The following SV2B variants were observed in gnomAD, a reference collection of about 807,000 sequenced individuals.
SV2B encodes the protein synaptic vesicle glycoprotein 2B.
Under a neutral mutation model 73.9 loss-of-function variants are expected in SV2B, and 41 were observed. That is an observed-to-expected ratio of 0.56 (90% CI 0.43 to 0.72). The LOEUF (loss-of-function observed/expected upper bound fraction) is 0.72, where lower values mean the gene tolerates loss of function less well. Among genes scored for constraint, SV2B ranks in the 30% least tolerant of loss-of-function variants. The probability of loss-of-function intolerance (pLI) is 0.00; values close to 1 mark genes in which losing one functional copy is unlikely to be tolerated. For synonymous variants in SV2B, 314 were observed against 314.2 expected, an observed-to-expected ratio of 1.00 and a Z score of 0.01; for missense variants, 764 against 857.8, an observed-to-expected ratio of 0.89 and a Z score of 1.37.
chr15:91,102,496 A>T (rs1433271252), intron 1 of SV2B, among the ~76,000 whole-genome samples: 1 of 152,238 alleles, frequency 6.6e-6, no homozygotes, highest in Non-Finnish European at 1.5e-5. Flanking sequence ...GTGCTCAAGA[A>T]ATGGCAGTTC....
At position 91,118,394 on chromosome 15, in the gene SV2B, G is replaced by A. The variant is rs1021614735; in HGVS notation, c.-392+18031G>A. Among the ~76,000 whole-genome samples, 3 of 152,212 alleles carry A rather than the reference G, an allele frequency of 2.0e-5. No individual in the cohort carries two copies. Among genetic ancestry groups the A allele is most frequent in the Non-Finnish European group, 2.9e-5 (2 of 68,036 alleles). On this transcript the variant is annotated intron_variant, in intron 1 of 12. Coordinates refer to ENST00000394232, the MANE Select transcript of SV2B (RefSeq NM_001323032.3). This position sits in a 1 kb window ranked among gnomAD's most constrained non-coding sequence, Gnocchi z 4.7. ...TGATTTAATGGAGTAGCCCATGCCA[G>A]CAAGAAAGATGGGTGGTAGTACAGT...
At chr15:91,206,773 T>C (rs1429162180) in intron 1 of SV2B, among the ~76,000 whole-genome samples, 1 of 152,202 alleles carries the variant, frequency 6.6e-6, no homozygotes, top group African/African-American at 2.4e-5. Flanking sequence ...CTTGACTTGA[T>C]TATATTATAT....
At chr15:91,172,540 G>A (rs1280437457) in intron 1 of SV2B, among the ~76,000 whole-genome samples, 3 of 152,200 alleles carry the variant, frequency 2.0e-5, no homozygotes, top group Non-Finnish European at 4.4e-5. Context: ...AGGGAGGCAC[G>A]AAAGAGGAGG....
chr15:91,166,856 C>A (rs572165201), intron 1 of SV2B, among the ~76,000 whole-genome samples: 1 of 150,778 alleles, frequency 6.6e-6, no homozygotes, highest in African/African-American at 2.4e-5. Flanking sequence ...CTCTGTTGCC[C>A]AGGCTGGAGT....
At chr15:91,101,282 G>A (rs1056632268) in intron 1 of SV2B, among the ~76,000 whole-genome samples, 1 of 152,012 alleles carries the variant, frequency 6.6e-6, no homozygotes, top group African/African-American at 2.4e-5. Flanking sequence ...CACTGTAGTC[G>A]GCTCAGCGGT....
chr15:91,157,836 G>A (rs1215325667), intron 1 of SV2B, among the ~76,000 whole-genome samples: 5 of 152,176 alleles, frequency 3.3e-5, no homozygotes, highest in Admixed American at 3.3e-4. Context: ...CCTGAGCCCT[G>A]TCTACTTTGT....
At position 91,129,812 on chromosome 15, in the gene SV2B, G is replaced by A. The variant is rs1398180286; in HGVS notation, c.-392+29449G>A. ...CCTGCCACTTACTAACTGTGTGACC[G>A]TAAGTATGGTTTTCCTCAGCCTGTG... On this transcript the variant is annotated intron_variant, in intron 1 of 12. Coordinates refer to ENST00000394232, the MANE Select transcript of SV2B (RefSeq NM_001323032.3). This position sits in a 1 kb window ranked among gnomAD's most constrained non-coding sequence, Gnocchi z 5.1. Among the ~76,000 whole-genome samples the A allele has an allele frequency of 6.6e-6, 1 of 152,194 alleles. No individual in the cohort carries two copies. Among genetic ancestry groups the A allele is most frequent in the Non-Finnish European group, 1.5e-5 (1 of 68,032 alleles).
At chr15:91,138,118 C>A (rs946090961) in intron 1 of SV2B, among the ~76,000 whole-genome samples, 1 of 152,122 alleles carries the variant, frequency 6.6e-6, no homozygotes, top group Non-Finnish European at 1.5e-5. Context: ...TATGAAGTAG[C>A]CTTGACCCCC....
At position 91,236,321 on chromosome 15, in the gene SV2B, C is replaced by T. The variant is rs1271601715; in HGVS notation, c.451+9607C>T. 2.0e-5 allele frequency among the ~76,000 whole-genome samples: 3 copies of T among 152,060 alleles called. No homozygotes were observed. Among genetic ancestry groups the T allele is most frequent in the African/African-American group, 7.2e-5 (3 of 41,406 alleles). On this transcript the variant is annotated intron_variant, in intron 2 of 12. Transcript: ENST00000394232. This position sits in a 1 kb window ranked among gnomAD's most constrained non-coding sequence, Gnocchi z 4.1. Reference sequence around the variant, plus strand: ...TATTTATTTATTTGTATTGATTCACCTATATTTATGCTTATATTTGCTTCC... The same window carrying T: ...TATTTATTTATTTGTATTGATTCACTTATATTTATGCTTATATTTGCTTCC...
At position 91,236,205 on chromosome 15, in the gene SV2B, C is replaced by T. The variant is rs113563841; in HGVS notation, c.451+9491C>T. On this transcript the variant is annotated intron_variant, in intron 2 of 12. Coordinates refer to ENST00000394232, the MANE Select transcript of SV2B (RefSeq NM_001323032.3). The surrounding 1 kb of genome is among the most constrained non-coding windows in gnomAD (Gnocchi z 4.1). Reference sequence around the variant, plus strand: ...CAAAGACTTTAATGAGTTGTTTTTCCTCCACAGTTAAGTGCACCCTTCTGG... The same window carrying T: ...CAAAGACTTTAATGAGTTGTTTTTCTTCCACAGTTAAGTGCACCCTTCTGG... Among the ~76,000 whole-genome samples the T allele has an allele frequency of 2.3e-3, 351 of 152,312 alleles. No homozygotes were observed. Among genetic ancestry groups the T allele is most frequent in the Non-Finnish European group, 3.8e-3 (258 of 68,026 alleles).
At chr15:91,159,751 A>G (rs1394609078) in intron 1 of SV2B, among the ~76,000 whole-genome samples, 2 of 152,220 alleles carry the variant, frequency 1.3e-5, no homozygotes, top group Admixed American at 1.3e-4. Flanking sequence ...TCCACTTATT[A>G]TTTGTCAAAT....
intron 6 of SV2B, among the ~76,000 whole-genome samples, chr15:91,263,411 AAC>A (rs1369211167): frequency 1.3e-5 from 2 of 149,660 alleles, no homozygotes; most frequent in Admixed American, 6.6e-5. Flanking sequence ...CAGGAACACA[AAC>A]ACAGAAACAC....
At chr15:91,230,801 G>T (rs2046545611) in intron 2 of SV2B, among the ~76,000 whole-genome samples, 1 of 152,162 alleles carries the variant, frequency 6.6e-6, no homozygotes, top group Admixed American at 6.5e-5. Flanking sequence ...TATTCTAATG[G>T]TGGAAATAGA....
intron 1 of SV2B, among the ~76,000 whole-genome samples, chr15:91,198,708 G>A (rs182678560): frequency 7.1e-4 from 108 of 152,340 alleles, no homozygotes; most frequent in Non-Finnish European, 1.2e-3. Context: ...TAGACGATAC[G>A]GAGAAAGCAA....
In SV2B at chr15:91,242,181, C is replaced by T. The variant is rs1442320068; in HGVS notation, c.452-9638C>T. ...CTACCTCTGTCTCCTCGTTTTCCACCTGCCCATTGGCTGCTCCTTCTTGTT... is the reference window on the plus strand; with the variant it reads ...CTACCTCTGTCTCCTCGTTTTCCACTTGCCCATTGGCTGCTCCTTCTTGTT... On this transcript the variant is annotated intron_variant, in intron 2 of 12. Coordinates refer to ENST00000394232, the MANE Select transcript of SV2B (RefSeq NM_001323032.3). The surrounding 1 kb of genome is among the most constrained non-coding windows in gnomAD (Gnocchi z 4.9). 6.6e-6 allele frequency among the ~76,000 whole-genome samples: 1 copy of T among 152,188 alleles called. No homozygotes were observed. Among genetic ancestry groups the T allele is most frequent in the Non-Finnish European group, 1.5e-5 (1 of 68,024 alleles).
At chr15:91,176,978 C>G (rs1596526730) in intron 1 of SV2B, among the ~76,000 whole-genome samples, 1 of 152,068 alleles carries the variant, frequency 6.6e-6, no homozygotes, top group East Asian at 1.9e-4. Flanking sequence ...TGCCTACGTC[C>G]TGAATGGTAA....
chr15:91,146,161 A>T (rs1180151353), intron 1 of SV2B, among the ~76,000 whole-genome samples: 1 of 152,174 alleles, frequency 6.6e-6, no homozygotes, highest in African/African-American at 2.4e-5. Flanking sequence ...ATTTTTGTAT[A>T]TGGTGTAAGG....
Position 91,139,582 on chromosome 15 carries a change from G to C in SV2B, c.-392+39219G>C, listed in dbSNP as rs573871630. On this transcript the variant is annotated intron_variant, in intron 1 of 12. Transcript: ENST00000394232. This position sits in a 1 kb window ranked among gnomAD's most constrained non-coding sequence, Gnocchi z 5.2. ...CCTTGGGCTAAGGGCACTAAGTTAA[G>C]CTGCAACCCCAGCTAAGGTGATCCC... Among the ~76,000 whole-genome samples, 26 of 152,176 alleles carry C rather than the reference G, an allele frequency of 1.7e-4. No individual in the cohort carries two copies. Among genetic ancestry groups the C allele is most frequent in the Non-Finnish European group, 3.5e-4 (24 of 68,032 alleles).
intron 1 of SV2B, among the ~76,000 whole-genome samples, chr15:91,120,621 C>A (rs575350554): frequency 3.3e-5 from 5 of 152,032 alleles, no homozygotes; most frequent in Admixed American, 2.6e-4. Context: ...GGAAACCAGC[C>A]TGGGCAACAG....
Sources: allele counts gnomAD v4.1 joint callset (sites outside exome capture counted in the v4.1 genomes callset), GRCh38; gene constraint gnomAD v4.1.1; non-coding constraint Gnocchi (gnomAD v3.1); transcripts MANE v1.5; gene names NCBI Gene and HGNC (gene_info 2026-07-23, HGNC 2026-07-21).